Variants in DPP6 observed in about 807,000 individuals in gnomAD.
DPP6 encodes A-type potassium channel modulatory protein DPP6.
Under a neutral mutation model 122.6 loss-of-function variants are expected in DPP6, and 69 were observed. That is an observed-to-expected ratio of 0.56 (90% CI 0.46 to 0.69). DPP6 has a LOEUF of 0.69. DPP6 is among the 30% of genes least tolerant of loss of function. The pLI, the probability that DPP6 is intolerant of heterozygous loss-of-function variation, is 0.00. For missense variants in DPP6, 928 were observed against 1,116.9 expected, an observed-to-expected ratio of 0.83 and a Z score of 2.41; for synonymous variants, 418 against 433.1, an observed-to-expected ratio of 0.97 and a Z score of 0.43.
intron 1 of DPP6, among the ~76,000 whole-genome samples, chr7:154,236,977 C>T (rs1373614414): frequency 1.3e-5 from 2 of 152,198 alleles, no homozygotes; most frequent in African/African-American, 2.4e-5. Context: ...CTTTACTCAC[C>T]CCCTGTGTCT....
At chr7:154,230,765 C>A (rs1327741356) in intron 1 of DPP6, among the ~76,000 whole-genome samples, 3 of 152,196 alleles carry the variant, frequency 2.0e-5, no homozygotes, top group African/African-American at 7.2e-5. Flanking sequence ...TGATTCATGT[C>A]TTTTTGCCAC....
the DPP6 span, among the ~76,000 whole-genome samples, chr7:153,834,114 C>T: frequency 1.3e-5 from 2 of 152,142 alleles, no homozygotes; most frequent in East Asian, 1.9e-4. Context: ...TGGCAAAACC[C>T]GGTTTCTACT....
chr7:154,240,555 A>G (rs775436462), intron 1 of DPP6, among the ~76,000 whole-genome samples: 5 of 152,340 alleles, frequency 3.3e-5, no homozygotes, highest in Middle Eastern at 3.4e-3. Flanking sequence ...ATAAATAACT[A>G]TCTCCTGTAA....
chr7:154,458,146 C>T (rs1175391332), intron 2 of DPP6, among the ~76,000 whole-genome samples: 6 of 152,192 alleles, frequency 3.9e-5, no homozygotes, highest in Admixed American at 3.3e-4. Flanking sequence ...TGGCTGTATC[C>T]TCACCCAAAT....
At chr7:154,009,386 G>A (rs1304684987) in intron 1 of DPP6, among the ~76,000 whole-genome samples, 1 of 124,478 alleles carries the variant, frequency 8.0e-6, no homozygotes, top group Non-Finnish European at 1.6e-5. Context: ...TTTAGCCAGC[G>A]CTCACCTTGA....
At chr7:154,238,081 T>C (rs986966881) in intron 1 of DPP6, among the ~76,000 whole-genome samples, 3 of 152,198 alleles carry the variant, frequency 2.0e-5, no homozygotes, top group Non-Finnish European at 4.4e-5. Context: ...ACGGATCCTT[T>C]TCCTCACCAA....
chr7:154,238,365 C>T (rs1215000730), intron 1 of DPP6, among the ~76,000 whole-genome samples: 1 of 152,120 alleles, frequency 6.6e-6, no homozygotes, highest in East Asian at 1.9e-4. Context: ...AAGATGTATT[C>T]TGAAACCTTA....
chr7:154,637,763 TATC>T (rs941007781), intron 5 of DPP6, 55 bp from the exon 6 acceptor site: 140 of 1,511,406 alleles, frequency 9.3e-5, no homozygotes, highest in Non-Finnish European at 5.1e-5. Context: ...ATTTGAAAAA[TATC>T]ATCGTAACAG....
intron 16 of DPP6, among the ~76,000 whole-genome samples, chr7:154,827,631 G>C (rs888967509): frequency 6.0e-5 from 9 of 150,600 alleles, no homozygotes; most frequent in Non-Finnish European, 1.2e-4. Flanking sequence ...GCAGAGTGAG[G>C]AGGGGGTGTC....
chr7:154,644,734 G>A (rs1836333408), intron 6 of DPP6, among the ~76,000 whole-genome samples: 1 of 139,190 alleles, frequency 7.2e-6, no homozygotes, highest in African/African-American at 2.7e-5. Context: ...TTAAGATACA[G>A]AGTCTGGCTC....
intron 1 of DPP6, among the ~76,000 whole-genome samples, chr7:154,170,621 C>T (rs1239543321): frequency 6.6e-6 from 1 of 152,200 alleles, no homozygotes; most frequent in African/African-American, 2.4e-5. Context: ...TTGATAGAAC[C>T]TGGCTGCCAA....
At chr7:154,737,564 G>A (rs576067770) in intron 8 of DPP6, among the ~76,000 whole-genome samples, 4 of 152,042 alleles carry the variant, frequency 2.6e-5, no homozygotes, top group Non-Finnish European at 4.4e-5. Context: ...AGACACAGAG[G>A]GCCAACTCTT....
At chr7:153,773,185 A>C in the DPP6 span, among the ~76,000 whole-genome samples, 2 of 148,748 alleles carry the variant, frequency 1.3e-5, no homozygotes, top group African/African-American at 2.4e-5. Flanking sequence ...CAAAAATTTA[A>C]AAAACCCACA....
At chr7:154,182,181 C>T (rs975784774) in intron 1 of DPP6, among the ~76,000 whole-genome samples, 3 of 152,084 alleles carry the variant, frequency 2.0e-5, no homozygotes, top group Non-Finnish European at 4.4e-5. Context: ...TTGCAAAATA[C>T]CATTGCACAC....
chr7:154,767,345 T>C (rs1795971967), intron 8 of DPP6, among the ~76,000 whole-genome samples: 1 of 152,148 alleles, frequency 6.6e-6, no homozygotes, highest in Non-Finnish European at 1.5e-5. Flanking sequence ...CACCCACAAA[T>C]TGCATTGCAA....
chr7:154,454,628 G>C lies in DPP6; in HGVS notation c.358+8300G>C, dbSNP rs9655648. On this transcript the variant is annotated intron_variant, in intron 2 of 25. Transcript: ENST00000377770. ...GGTGTGGTCAAGAGTTAAGGGAGAA[G>C]GAAAGGGATGGTAGCCAATGGGGAG... 2.0e-5 allele frequency among the ~76,000 whole-genome samples: 3 copies of C among 151,936 alleles called. No homozygotes were observed. The South Asian group carries it at 6.2e-4, about 31-fold the overall frequency.
At chr7:154,588,256 C>T in intron 5 of DPP6, 1 of 1,192,846 alleles carries the variant, frequency 8.4e-7, no homozygotes, top group Non-Finnish European at 1.1e-6. Context: ...TTCAAATGGC[C>T]TGTTCTCAGA....
chr7:154,779,045 ACTACCC>A (rs1796815423), intron 10 of DPP6, among the ~76,000 whole-genome samples: 59 of 136,528 alleles, frequency 4.3e-4, no homozygotes, highest in South Asian at 4.7e-4. Context: ...CACCACCACA[ACTACCC>A]CCACCATCAC....
chr7:154,889,093 A>G (rs1806394054), intron 23 of DPP6, among the ~76,000 whole-genome samples, 179 bp from the exon 24 acceptor site: 1 of 152,098 alleles, frequency 6.6e-6, no homozygotes, highest in East Asian at 1.9e-4. Context: ...GTCAAACCAT[A>G]CCACTGGGCT....
Sources: allele counts gnomAD v4.1 joint callset (sites outside exome capture counted in the v4.1 genomes callset), GRCh38; gene constraint gnomAD v4.1.1; transcripts MANE v1.5; gene names NCBI Gene and HGNC (gene_info 2026-07-23, HGNC 2026-07-21).